The following C14orf39 variants were observed in gnomAD, a reference collection of about 807,000 sequenced individuals.
C14orf39 encodes the protein protein SIX6OS1.
A neutral mutation model predicts 85.6 loss-of-function variants in C14orf39; 66 were observed. The ratio of observed to expected loss-of-function variants is 0.77; its 90% CI spans 0.63 to 0.95. The LOEUF (loss-of-function observed/expected upper bound fraction) is 0.95. Among genes scored for constraint, C14orf39 ranks in the 40% least tolerant of loss-of-function variants. C14orf39 has a pLI of 0.00. For missense variants in C14orf39, 735 were observed against 663.9 expected (o/e 1.11, Z -1.18); for synonymous variants, 242 against 214.0 (o/e 1.13, Z -1.14).
At chr14:60,446,809 T>G (rs1011922655) in intron 16 of C14orf39, among the ~76,000 whole-genome samples, 2 of 152,180 alleles carry the variant, frequency 1.3e-5, no homozygotes, top group Admixed American at 1.3e-4. Flanking sequence ...AATAAAATAC[T>G]GGCAAATCCA....
intron 16 of C14orf39, among the ~76,000 whole-genome samples, chr14:60,448,174 A>G (rs1890865972): frequency 6.6e-6 from 1 of 152,214 alleles, no homozygotes. Flanking sequence ...AATGGCAACA[A>G]AAGCCAAAAT....
chr14:60,464,206 G>A (rs1001869735), intron 11 of C14orf39, among the ~76,000 whole-genome samples: 3 of 152,088 alleles, frequency 2.0e-5, no homozygotes, highest in Admixed American at 1.3e-4. Context: ...GTGACCTAGA[G>A]GTAAAAGCAT....
chr14:60,467,111 G>A (rs1891830943), intron 9 of C14orf39, 67 bp from the exon 10 acceptor site: 1 of 798,264 alleles, frequency 1.3e-6, no homozygotes, highest in South Asian at 4.4e-5. Context: ...AAAGCTAGGA[G>A]GCATATTTAG....
chr14:60,471,084 TG>T (rs1448199452), intron 7 of C14orf39, among the ~76,000 whole-genome samples: 16 of 151,924 alleles, frequency 1.1e-4, no homozygotes, highest in African/African-American at 3.4e-4. Flanking sequence ...TCACCTCCTT[TG>T]CACCTTCCAT....
upstream of C14orf39, among the ~76,000 whole-genome samples, chr14:60,489,288 G>A (rs1192769913): frequency 6.6e-6 from 1 of 152,148 alleles, no homozygotes; most frequent in Non-Finnish European, 1.5e-5. Flanking sequence ...TTGCAGTCAG[G>A]CAGATATGGA....
At chr14:60,477,052 T>G (rs1384938042) in intron 5 of C14orf39, among the ~76,000 whole-genome samples, 3 of 152,218 alleles carry the variant, frequency 2.0e-5, no homozygotes, top group Admixed American at 2.0e-4. Flanking sequence ...GCCTTGATTT[T>G]TAATCTAGTT....
intron 2 of C14orf39, among the ~76,000 whole-genome samples, chr14:60,498,315 T>G (rs186887629): frequency 1.1e-3 from 168 of 152,382 alleles, no homozygotes; most frequent in Middle Eastern, 6.8e-3. Flanking sequence ...TTCCAAACTC[T>G]AATTAAGCAC....
At chr14:60,501,368 T>TCACATCCA (rs968361548) in intron 1 of C14orf39, among the ~76,000 whole-genome samples, 1 of 150,834 alleles carries the variant, frequency 6.6e-6, no homozygotes, top group African/African-American at 2.4e-5. Flanking sequence ...GAAAGAGTTT[T>TCACATCCA]CACATCCACA....
At chr14:60,472,918 C>T (rs1456660936) in intron 5 of C14orf39, among the ~76,000 whole-genome samples, 2 of 152,022 alleles carry the variant, frequency 1.3e-5, no homozygotes, top group Non-Finnish European at 2.9e-5. Flanking sequence ...GGGTATATAC[C>T]CAGTAATGGG....
chr14:60,468,327 C>T (rs1891895873), intron 9 of C14orf39, 118 bp downstream of exon 9: 1 of 491,846 alleles, frequency 2.0e-6, no homozygotes, highest in Admixed American at 4.1e-5. Context: ...AAATAGCCTG[C>T]ACAACAAAAT....
chr14:60,453,807 A>T (rs1254337), intron 16 of C14orf39, among the ~76,000 whole-genome samples: 56,009 of 151,700 alleles, frequency 0.37, 11,376 homozygotes, highest in East Asian at 0.69. Flanking sequence ...TTAAATACAA[A>T]CTTGCCAGGA....
In C14orf39 at chr14:60,436,094, A is replaced by G. The variant is rs2140000203; in HGVS notation, c.*751T>C. 1 of 152,298 alleles carries G rather than the reference A, an allele frequency of 6.6e-6. No homozygotes were observed. The highest frequency in any genetic ancestry group is 1.5e-5 in the Non-Finnish European group (1 of 68,016). The allele number at this position is 152,298 out of a possible 1,614,324, so 9.4% of individuals were successfully genotyped here. Reference sequence around the variant, plus strand: ...ACTTAAGCTATATAATTAATTGACAAATACTGAACACAAAACATAAAGAAG... The same window carrying G: ...ACTTAAGCTATATAATTAATTGACAGATACTGAACACAAAACATAAAGAAG... On this transcript the variant is annotated 3_prime_UTR_variant, in exon 18 of 18. Coordinates refer to ENST00000321731, the MANE Select transcript of C14orf39 (RefSeq NM_174978.3).
Position 60,493,955 on chromosome 14 carries a change from A to G in C14orf39, c.-9+5341T>C, listed in dbSNP as rs557513812. On this transcript the variant is annotated intron_variant, in intron 2 of 5. Coordinates refer to the C14orf39 transcript ENST00000556799. ...TCCTGGTTTTTCCAGATTAGCACTG[A>G]TACCTGATTGGGAGCTATCCATCTT... 4.4e-4 allele frequency: 71 copies of G among 162,100 alleles called. 1 individual carries two copies. The Middle Eastern group carries it at 0.018, about 41-fold the overall frequency. The allele number at this position is 162,100 out of a possible 1,614,324, so 10.0% of individuals were successfully genotyped here. A position where few individuals can be genotyped will look rare whatever the true frequency, so the allele number is the denominator to read the frequency against.
chr14:60,448,579 C>T (rs879577785), intron 16 of C14orf39, among the ~76,000 whole-genome samples: 9 of 152,088 alleles, frequency 5.9e-5, no homozygotes, highest in South Asian at 2.1e-4. Flanking sequence ...TTACAGTGTT[C>T]GTGGGAGTGT....
rs1435332459 is a variant in C14orf39 at position 60,458,730 on chromosome 14, T to C, written c.1127A>G (p.Tyr376Cys). 5.0e-6 allele frequency: 8 copies of C among 1,601,414 alleles called. No individual in the cohort carries two copies. Among genetic ancestry groups the C allele is most frequent in the Non-Finnish European group, 6.8e-6 (8 of 1,173,064 alleles). ...TTGTCTTACTGTCCCTTTATCTCCA[T>C]ACTCAGCATCTGTTGTCATATGAGA... ...WSEKGDKDAEYGDKGTVRQVR... is the reference protein window; with the variant it reads ...WSEKGDKDAECGDKGTVRQVR... The change falls in exon 14 of 18, where the codon TAT (tyrosine) becomes TGT (cysteine). Residue 376 changes from tyrosine (Y) to cysteine (C), a missense_variant. Tyr to Cys is a radical substitution (Grantham distance 194, BLOSUM62 -2). Coordinates refer to ENST00000321731, the MANE Select transcript of C14orf39 (RefSeq NM_174978.3).
At chr14:60,464,162 A>C (rs1891669325) in intron 11 of C14orf39, among the ~76,000 whole-genome samples, 1 of 152,160 alleles carries the variant, frequency 6.6e-6, no homozygotes, top group South Asian at 2.1e-4. Context: ...CCTGCCTGGA[A>C]GGCAAATTTA....
chr14:60,496,703 C>G (rs1003168660), intron 2 of C14orf39: 1 of 152,554 alleles, frequency 6.6e-6, no homozygotes, highest in African/African-American at 2.4e-5. Flanking sequence ...GCTGCTTTAC[C>G]GTTGCTTCAT....
At chr14:60,481,067 A>G (rs2140154040) in intron 4 of C14orf39, among the ~76,000 whole-genome samples, 1 of 152,334 alleles carries the variant, frequency 6.6e-6, no homozygotes, top group Non-Finnish European at 1.5e-5. Context: ...CTACAGTTAA[A>G]TAATATATAT....
intron 13 of C14orf39, among the ~76,000 whole-genome samples, chr14:60,460,326 A>T (rs1891460899): frequency 6.6e-6 from 1 of 151,798 alleles, no homozygotes; most frequent in Admixed American, 6.6e-5. Flanking sequence ...ATTATAAACA[A>T]GTAAAACAGA....
Sources: gnomAD v4.1 joint callset for allele counts (sites outside exome capture counted in the v4.1 genomes callset) on GRCh38, gnomAD v4.1.1 for gene constraint, MANE v1.5 for transcripts, NCBI Gene and HGNC (gene_info 2026-07-23, HGNC 2026-07-21) for gene names.